Variants in PXDNL observed in about 807,000 individuals in gnomAD.
PXDNL encodes peroxidasin like.
PXDNL carries 145 observed loss-of-function variants against 150.8 expected under a neutral mutation model. That is an observed-to-expected ratio of 0.96 (90% confidence interval 0.84 to 1.10). The LOEUF (loss-of-function observed/expected upper bound fraction) is 1.10. PXDNL is among the 50% of genes least tolerant of loss of function. PXDNL has a pLI of 0.00. For synonymous variants in PXDNL, 757 were observed against 725.7 expected (o/e 1.04, Z -0.69); for missense variants, 2,087 against 1,873.9 (o/e 1.11, Z -2.10).
intron 1 of PXDNL, among the ~76,000 whole-genome samples, chr8:51,750,535 T>G (rs556899918): frequency 2.0e-5 from 3 of 151,878 alleles, no homozygotes; most frequent in African/African-American, 7.2e-5. Flanking sequence ...GGGACCACTG[T>G]CATATACACT....
intron 1 of PXDNL, among the ~76,000 whole-genome samples, chr8:51,801,065 C>T (rs1415345937): frequency 1.3e-5 from 2 of 152,124 alleles, no homozygotes; most frequent in African/African-American, 2.4e-5. Context: ...TATAAATTGA[C>T]GTGCAAGTAG....
intron 1 of PXDNL, among the ~76,000 whole-genome samples, chr8:51,777,324 A>T (rs1217657864): frequency 6.6e-6 from 1 of 152,254 alleles, no homozygotes; most frequent in African/African-American, 2.4e-5. Context: ...CGATAATTAA[A>T]TGTGTCAATA....
intron 1 of PXDNL, among the ~76,000 whole-genome samples, chr8:51,749,189 G>A (rs924993832): frequency 1.4e-4 from 21 of 152,184 alleles, no homozygotes; most frequent in South Asian, 8.3e-4. Flanking sequence ...GTCTGCAGAT[G>A]ATTATATAAA....
chr8:51,780,847 A>G (rs958674344), intron 1 of PXDNL, among the ~76,000 whole-genome samples: 4 of 151,316 alleles, frequency 2.6e-5, no homozygotes, highest in African/African-American at 9.7e-5. Flanking sequence ...TTTAGTAGAG[A>G]CAGGGTCTTG....
chr8:51,400,134 T>C (rs1394353265), intron 17 of PXDNL, among the ~76,000 whole-genome samples: 1 of 152,216 alleles, frequency 6.6e-6, no homozygotes, highest in Admixed American at 6.5e-5. Flanking sequence ...TTTAGAATCT[T>C]TTCAGATTTG....
intron 20 of PXDNL, chr8:51,339,983 A>T (rs948644748): frequency 2.8e-6 from 1 of 354,394 alleles, no homozygotes; most frequent in African/African-American, 2.1e-5. Context: ...ATCTAAAATA[A>T]TAAGAAAGTA....
At chr8:51,457,117 A>G (rs948767467) in intron 9 of PXDNL, among the ~76,000 whole-genome samples, 1 of 152,258 alleles carries the variant, frequency 6.6e-6, no homozygotes, top group African/African-American at 2.4e-5. Flanking sequence ...AATCTTCAAC[A>G]GCTAGCTCAG....
chr8:51,613,159 A>G (rs1585621500), intron 2 of PXDNL, among the ~76,000 whole-genome samples: 2 of 152,214 alleles, frequency 1.3e-5, no homozygotes, highest in Non-Finnish European at 2.9e-5. Flanking sequence ...GGTTATTCTC[A>G]GGTTTCAGAT....
Position 51,423,507 on chromosome 8 carries a change from T to A in PXDNL, c.1795+68A>T, listed in dbSNP as rs1290402122. 18 of 1,348,244 alleles carry A rather than the reference T, an allele frequency of 1.3e-5. No homozygotes were observed. The South Asian group carries it at 1.9e-4, about 14-fold the overall frequency. 83.5% of individuals were successfully genotyped at this position (1,348,244 alleles called of 1,614,324 possible). A position where few individuals can be genotyped will look rare whatever the true frequency, so the allele number is the denominator to read the frequency against. On this transcript the variant is annotated intron_variant, in intron 14 of 22. Transcript: ENST00000356297. The stretch of plus-strand genomic sequence containing the variant: ...AGCATGATTAGTGAGATCAGTCAAA[T>A]AGGATTGGGGTAGAAGCTGTTCAAA...
At chr8:51,660,308 G>T (rs1018685896) in intron 1 of PXDNL, among the ~76,000 whole-genome samples, 1 of 152,170 alleles carries the variant, frequency 6.6e-6, no homozygotes, top group African/African-American at 2.4e-5. Flanking sequence ...GCAAAATGTC[G>T]TTAAGACATA....
chr8:51,664,621 A>G (rs1815341917), intron 1 of PXDNL, among the ~76,000 whole-genome samples: 1 of 152,112 alleles, frequency 6.6e-6, no homozygotes, highest in Non-Finnish European at 1.5e-5. Flanking sequence ...CTGGCATTAT[A>G]TTTACCTTGA....
intron 1 of PXDNL, among the ~76,000 whole-genome samples, chr8:51,685,166 G>A (rs1320170066): frequency 6.6e-6 from 1 of 152,130 alleles, no homozygotes; most frequent in African/African-American, 2.4e-5. Flanking sequence ...TCTGATTATA[G>A]GTATCACCAC....
Position 51,607,854 on chromosome 8 carries a change from G to GAGGAAGGAAGGAAGGAAGGAAGGA in PXDNL, c.237-15180_237-15157dup, listed in dbSNP as rs143544585. Among the ~76,000 whole-genome samples the GAGGAAGGAAGGAAGGAAGGAAGGA allele has an allele frequency of 1.8e-3, 130 of 72,596 alleles. 2 individuals carry two copies. The highest frequency in any genetic ancestry group is 8.0e-3 in the African/African-American group (119 of 14,818). The allele number at this position is 72,596 out of a possible 152,430, so 47.6% of individuals were successfully genotyped here. On this transcript the variant is annotated intron_variant, in intron 2 of 22. Coordinates refer to ENST00000356297, the MANE Select transcript of PXDNL (RefSeq NM_144651.5). ...GACTCCATCTCAAAAAAAAGGAAGAGAGGAAGGAAGGAAGGAAGGAAGGAA... is the reference window on the plus strand; with the variant it reads ...GACTCCATCTCAAAAAAAAGGAAGAGAGGAAGGAAGGAAGGAAGGAAGGAAGGAAGGAAGGAAGGAAGGAAGGAA...
intron 1 of PXDNL, among the ~76,000 whole-genome samples, chr8:51,727,347 C>T (rs1816834298): frequency 6.6e-6 from 1 of 152,178 alleles, no homozygotes. Context: ...TTCCGTAGTA[C>T]TACTACACAG....
At chr8:51,622,440 C>G (rs1814278249) in intron 2 of PXDNL, among the ~76,000 whole-genome samples, 1 of 152,164 alleles carries the variant, frequency 6.6e-6, no homozygotes. Flanking sequence ...CAGAGGAATA[C>G]TTTGTTGTTT....
intron 2 of PXDNL, among the ~76,000 whole-genome samples, chr8:51,644,814 G>C (rs1055862596): frequency 6.6e-6 from 1 of 151,844 alleles, no homozygotes; most frequent in Non-Finnish European, 1.5e-5. Context: ...CGTGAAGGGG[G>C]CTGAGTCTAG....
chr8:51,526,370 G>C (rs547536237), intron 4 of PXDNL, among the ~76,000 whole-genome samples: 1 of 149,820 alleles, frequency 6.7e-6, no homozygotes, highest in East Asian at 1.9e-4. Flanking sequence ...ATTTCATTTT[G>C]TGAGACAGCC....
chr8:51,471,235 G>T (rs1017713508), intron 8 of PXDNL, among the ~76,000 whole-genome samples: 11 of 151,008 alleles, frequency 7.3e-5, no homozygotes, highest in African/African-American at 2.4e-4. Flanking sequence ...ATGAAAAAAA[G>T]CTCTTCATCA....
intron 4 of PXDNL, among the ~76,000 whole-genome samples, chr8:51,547,697 C>T (rs550361790): frequency 1.6e-3 from 248 of 152,250 alleles, no homozygotes; most frequent in African/African-American, 5.3e-3. Context: ...GAACAGCAGC[C>T]CTTGAGTCCC....
Sources: gnomAD v4.1 joint callset for allele counts (sites outside exome capture counted in the v4.1 genomes callset) on GRCh38, gnomAD v4.1.1 for gene constraint, MANE v1.5 for transcripts, NCBI Gene and HGNC (gene_info 2026-07-23, HGNC 2026-07-21) for gene names.